PRKAR2B: variants seen among roughly 807,000 people sequenced by gnomAD.
PRKAR2B encodes the protein cAMP-dependent protein kinase type II-beta regulatory subunit.
Under a neutral mutation model 49.9 loss-of-function variants are expected in PRKAR2B, and 14 were observed. The observed-to-expected ratio is 0.28, with a 90% CI of 0.19 to 0.44. The LOEUF is 0.44. PRKAR2B is among the 20% of genes least tolerant of loss of function. The pLI is 1.00. For synonymous variants in PRKAR2B, 196 were observed against 197.7 expected (o/e 0.99, Z 0.07); for missense variants, 393 against 537.9 (o/e 0.73, Z 2.67).
chr7:107,128,324 C>T, intron 4 of PRKAR2B, 29 bp downstream of exon 4: 1 of 1,540,256 alleles, frequency 6.5e-7, no homozygotes, highest in Non-Finnish European at 9.0e-7. Context: ...ATAGAAATGG[C>T]TTTGTTTTTT....
intron 2 of PRKAR2B, among the ~76,000 whole-genome samples, chr7:107,089,831 C>T (rs1463716631): frequency 2.0e-5 from 3 of 152,330 alleles, no homozygotes; most frequent in African/African-American, 7.2e-5. Context: ...ATAAAACAGT[C>T]ATGGACACTC....
At chr7:107,140,804 C>T (rs1457754364) in intron 4 of PRKAR2B, 43 bp from the exon 5 acceptor site, 1 of 1,411,524 alleles carries the variant, frequency 7.1e-7, no homozygotes, top group South Asian at 1.3e-5. Flanking sequence ...AAAACATGTT[C>T]TAGATAAACA....
intron 2 of PRKAR2B, among the ~76,000 whole-genome samples, chr7:107,104,101 G>A (rs182807178): frequency 5.9e-5 from 9 of 151,850 alleles, no homozygotes; most frequent in African/African-American, 1.9e-4. Flanking sequence ...GCACGATCTC[G>A]GCTTACTGCA....
intron 3 of PRKAR2B, among the ~76,000 whole-genome samples, chr7:107,127,296 A>G (rs181739809): frequency 8.0e-4 from 122 of 152,338 alleles, no homozygotes; most frequent in African/African-American, 2.7e-3. Context: ...GGTGGTGTGT[A>G]GGTCTTCAGG....
chr7:107,142,348 A>G (rs1334131655), intron 5 of PRKAR2B, among the ~76,000 whole-genome samples: 1 of 152,302 alleles, frequency 6.6e-6, no homozygotes, highest in Non-Finnish European at 1.5e-5. Flanking sequence ...TTAGAATAGA[A>G]TAAACCAGTT....
At chr7:107,067,055 T>G (rs144431668) in intron 1 of PRKAR2B, 3 of 152,448 alleles carry the variant, frequency 2.0e-5, no homozygotes, top group African/African-American at 7.2e-5. Flanking sequence ...CCATGCCCCA[T>G]GCTTCACCCC....
chr7:107,044,825 C>G lies in PRKAR2B; in HGVS notation c.-83C>G, dbSNP rs1263396383. Reference sequence around the variant, plus strand: ...CGGTAGCGCGCCAGCGCCGTAGGCGCTCGCTCGGCAGCCGCGGGGCCCTAG... The same window carrying G: ...CGGTAGCGCGCCAGCGCCGTAGGCGGTCGCTCGGCAGCCGCGGGGCCCTAG... On this transcript the variant is annotated 5_prime_UTR_variant, in exon 1 of 11. Coordinates refer to ENST00000265717, the MANE Select transcript of PRKAR2B (RefSeq NM_002736.3). 2 of 1,169,722 alleles carry G rather than the reference C, an allele frequency of 1.7e-6. No individual in the cohort carries two copies. Among genetic ancestry groups the G allele is most frequent in the Admixed American group, 4.3e-5 (1 of 23,176 alleles). 72.5% of individuals were successfully genotyped at this position (1,169,722 alleles called of 1,614,324 possible).
intron 1 of PRKAR2B, among the ~76,000 whole-genome samples, chr7:107,056,134 G>A (rs1413574128): frequency 5.3e-5 from 8 of 152,112 alleles, no homozygotes; most frequent in South Asian, 2.1e-4. Context: ...GTAGATATGC[G>A]GCATTGTTTC....
At chr7:107,105,882 T>G (rs1265301016) in intron 2 of PRKAR2B, among the ~76,000 whole-genome samples, 1 of 152,142 alleles carries the variant, frequency 6.6e-6, no homozygotes, top group Admixed American at 6.5e-5. Flanking sequence ...TGTGAACGAT[T>G]GTACTTTTTG....
intron 6 of PRKAR2B, among the ~76,000 whole-genome samples, chr7:107,149,704 C>T (rs1795949174): frequency 2.0e-5 from 3 of 152,112 alleles, no homozygotes. Context: ...TAGAGACTTT[C>T]ATCTATACTG....
chr7:107,149,408 C>T (rs1019950905), intron 6 of PRKAR2B, among the ~76,000 whole-genome samples: 9 of 152,110 alleles, frequency 5.9e-5, no homozygotes, highest in Middle Eastern at 6.8e-3. Context: ...ATGGTCTGGA[C>T]GCTGAGAAGT....
chr7:107,075,689 G>C (rs1480212354), intron 2 of PRKAR2B, among the ~76,000 whole-genome samples: 1 of 152,022 alleles, frequency 6.6e-6, no homozygotes, highest in Non-Finnish European at 1.5e-5. Context: ...TGTTGGATGA[G>C]TTTAAGGAAG....
intron 2 of PRKAR2B, among the ~76,000 whole-genome samples, chr7:107,105,183 A>G (rs1209850539): frequency 2.0e-5 from 3 of 152,152 alleles, no homozygotes; most frequent in East Asian, 3.9e-4. Context: ...TCTACCGGGA[A>G]CTTCCATGTC....
At chr7:107,122,067 A>G in intron 3 of PRKAR2B, 63 bp downstream of exon 3, 3 of 1,151,430 alleles carry the variant, frequency 2.6e-6, no homozygotes, top group South Asian at 1.5e-5. Context: ...AAGGAAAATA[A>G]TCATAGAAAA....
chr7:107,088,727 G>C (rs1481689997), intron 2 of PRKAR2B, among the ~76,000 whole-genome samples: 1 of 152,040 alleles, frequency 6.6e-6, no homozygotes, highest in African/African-American at 2.4e-5. Context: ...AGCCTCTTGA[G>C]GAGTTGGGGC....
chr7:107,120,432 A>T (rs1795366806), intron 2 of PRKAR2B, among the ~76,000 whole-genome samples: 1 of 152,122 alleles, frequency 6.6e-6, no homozygotes, highest in Non-Finnish European at 1.5e-5. Context: ...AAAATGTTTT[A>T]TGATATAATA....
chr7:107,046,641 A>T (rs964592994), intron 1 of PRKAR2B, among the ~76,000 whole-genome samples: 1 of 152,190 alleles, frequency 6.6e-6, no homozygotes, highest in South Asian at 2.1e-4. Context: ...CCTACCAGAA[A>T]CGAGAAAGAG....
chr7:107,133,595 C>A (rs1795641643), intron 4 of PRKAR2B: 1 of 152,128 alleles, frequency 6.6e-6, no homozygotes, highest in Non-Finnish European at 1.5e-5. Flanking sequence ...AGGGCTGTTT[C>A]ACTGCTACCT....
Position 107,082,585 on chromosome 7 carries a change from A to ATTATTT in PRKAR2B, c.343+12290_343+12295dup, listed in dbSNP as rs770529379. On this transcript the variant is annotated intron_variant, in intron 2 of 10. Coordinates refer to ENST00000265717, the MANE Select transcript of PRKAR2B (RefSeq NM_002736.3). ...GAAATTAAAATTTTCCTGTAGTTAAATTATTTTTATTTTTATTTTTATTTT... is the reference window on the plus strand; with the variant it reads ...GAAATTAAAATTTTCCTGTAGTTAAATTATTTTTATTTTTATTTTTATTTTTATTTT... Among the ~76,000 whole-genome samples the ATTATTT allele has an allele frequency of 5.9e-5, 9 of 152,216 alleles. No homozygotes were observed. The South Asian group carries it at 8.3e-4, about 14-fold the overall frequency.
Sources: gnomAD v4.1 joint callset for allele counts (sites outside exome capture counted in the v4.1 genomes callset) on GRCh38, gnomAD v4.1.1 for gene constraint, MANE v1.5 for transcripts, NCBI Gene and HGNC (gene_info 2026-07-23, HGNC 2026-07-21) for gene names.